The following TTC7A variants were observed in gnomAD, a reference collection of about 807,000 sequenced individuals.
The protein encoded by TTC7A is tetratricopeptide repeat protein 7A.
Under a neutral mutation model 103.7 loss-of-function variants are expected in TTC7A, and 110 were observed. The observed-to-expected ratio is 1.06, with a 90% CI of 0.91 to 1.24. The LOEUF is 1.24. Among genes scored for constraint, TTC7A ranks in the 50% most tolerant of loss-of-function variants. The probability of loss-of-function intolerance (pLI) is 0.00; values close to 1 mark genes in which losing one functional copy is unlikely to be tolerated. For synonymous variants in TTC7A, 521 were observed against 467.9 expected, an observed-to-expected ratio of 1.11 and a Z score of -1.47; for missense variants, 1,340 against 1,116.3, an observed-to-expected ratio of 1.20 and a Z score of -2.86.
intron 18 of TTC7A, among the ~76,000 whole-genome samples, chr2:47,057,813 A>G (rs1407101332): frequency 6.6e-6 from 1 of 152,196 alleles, no homozygotes; most frequent in Non-Finnish European, 1.5e-5. Context: ...CTCCTCCCTC[A>G]GGAAGACTTC....
intron 17 of TTC7A, among the ~76,000 whole-genome samples, chr2:47,051,219 A>C (rs944597493): frequency 1.3e-5 from 2 of 152,178 alleles, no homozygotes; most frequent in African/African-American, 2.4e-5. Context: ...CACCACTTAG[A>C]CCTTAATAAA....
intron 2 of TTC7A, among the ~76,000 whole-genome samples, chr2:46,918,259 G>T (rs766504849): frequency 2.6e-5 from 4 of 152,072 alleles, no homozygotes; most frequent in African/African-American, 9.7e-5. Flanking sequence ...AAAATTCTAC[G>T]AGCTGTTTTT....
rs192848281 is a variant in TTC7A at position 47,033,868 on chromosome 2, C to G, written c.1802+4484C>G. Among the ~76,000 whole-genome samples, 455 of 152,242 alleles carry G rather than the reference C, an allele frequency of 3.0e-3. 3 individuals carry two copies. Among genetic ancestry groups the G allele is most frequent in the African/African-American group, 0.01 (436 of 41,546 alleles). On this transcript the variant is annotated intron_variant, in intron 15 of 19. Transcript: ENST00000319190. ...GTCCAGGAGGTGCTGGCAGCCGAGGCTGGGCCCTGACAGAGGCAGGGAAGG... is the reference window on the plus strand; with the variant it reads ...GTCCAGGAGGTGCTGGCAGCCGAGGGTGGGCCCTGACAGAGGCAGGGAAGG...
At chr2:47,056,496 A>AAAT in intron 18 of TTC7A, among the ~76,000 whole-genome samples, 1 of 152,202 alleles carries the variant, frequency 6.6e-6, no homozygotes, top group African/African-American at 2.4e-5. Flanking sequence ...GCCTGCGGGC[A>AAAT]AGGCCCTCCC....
chr2:46,978,884 C>G lies in TTC7A; in HGVS notation c.741C>G (p.Ala247=). 6.2e-7 allele frequency: 1 copy of G among 1,614,082 alleles called. No homozygotes were observed. The highest frequency in any genetic ancestry group is 8.5e-7 in the Non-Finnish European group (1 of 1,179,952). Residue 247 remains alanine, a synonymous_variant, in exon 5 of 20, where the codon GCC becomes GCG. Coordinates refer to ENST00000319190, the MANE Select transcript of TTC7A (RefSeq NM_020458.4). ...TCCTGGAAGCTGCCCTCCAGAGCGCCTATGTGAAAAACCTGAAGAAGGGGT... is the reference window on the plus strand; with the variant it reads ...TCCTGGAAGCTGCCCTCCAGAGCGCGTATGTGAAAAACCTGAAGAAGGGGT... ...TYFLEAALQS[A]YVKNLKKGNI...
intron 2 of TTC7A, among the ~76,000 whole-genome samples, chr2:46,951,095 G>A (rs1671366958): frequency 6.6e-6 from 1 of 152,160 alleles, no homozygotes; most frequent in Non-Finnish European, 1.5e-5. Context: ...GAGTTGGCTA[G>A]GGACAGAAGA....
At chr2:46,926,325 G>A (rs1558476272) in intron 2 of TTC7A, among the ~76,000 whole-genome samples, 1 of 152,110 alleles carries the variant, frequency 6.6e-6, no homozygotes, top group South Asian at 2.1e-4. Flanking sequence ...AGTGGAGATC[G>A]GAGTAAGTGA....
At chr2:47,004,471 G>A (rs1288786648) in intron 8 of TTC7A, among the ~76,000 whole-genome samples, 1 of 152,214 alleles carries the variant, frequency 6.6e-6, no homozygotes, top group Non-Finnish European at 1.5e-5. Context: ...TGCTGCATAG[G>A]AGGGATGGGG....
At position 46,941,536 on chromosome 2, in the gene TTC7A, G is replaced by C. The variant is rs772781041; in HGVS notation, c.-6G>C. The C allele has an allele frequency of 6.4e-7, 1 of 1,552,382 alleles. No individual in the cohort carries two copies. Among genetic ancestry groups the C allele is most frequent in the Non-Finnish European group, 8.7e-7 (1 of 1,148,264 alleles). On this transcript the variant is annotated 5_prime_UTR_variant, in exon 1 of 20. Transcript: ENST00000319190. This position sits in a 1 kb window ranked among gnomAD's most constrained non-coding sequence, Gnocchi z 4.2. ...CCGCACCTTCCATGACAGCGCCCGC[G>C]AGAAGATGGCTGCGAAGGGCGCGCA...
chr2:46,970,243 T>C (rs1673239342), intron 3 of TTC7A, among the ~76,000 whole-genome samples: 1 of 152,120 alleles, frequency 6.6e-6, no homozygotes, highest in African/African-American at 2.4e-5. Context: ...TTGCCTGGGC[T>C]TCCCAGTGTG....
chr2:46,927,224 T>G (rs1022322732), intron 2 of TTC7A, among the ~76,000 whole-genome samples: 22 of 151,234 alleles, frequency 1.5e-4, no homozygotes, highest in African/African-American at 5.4e-4. Flanking sequence ...AATGAAAGAT[T>G]ACAAGATCAG....
rs975908053 is a variant in TTC7A at position 46,995,258 on chromosome 2, G to A, written c.1065+59G>A. 1.3e-5 allele frequency: 20 copies of A among 1,577,390 alleles called. No homozygotes were observed. The East Asian group carries it at 1.8e-4, about 14-fold the overall frequency. On this transcript the variant is annotated intron_variant, in intron 8 of 19. Coordinates refer to ENST00000319190, the MANE Select transcript of TTC7A (RefSeq NM_020458.4). ...CCCTCTGACCCTGTGGGGAAGGGCT[G>A]TGGGGCCCAGGTACAGGCCACCCGT...
rs760148843 is a variant in TTC7A at position 47,051,799 on chromosome 2, G to A, written c.2071G>A (p.Glu691Lys). 2 of 1,611,872 alleles carry A rather than the reference G, an allele frequency of 1.2e-6. No individual in the cohort carries two copies. The highest frequency in any genetic ancestry group is 2.2e-5 in the East Asian group (1 of 44,872). ...CTCCCGGCTGGAGGAGGCCATGTCA[G>A]AGCTGACTATGCCCTCTTCGGTCCT... ...AASRLEEAMS[E>K]LTMPSSVLKQ... The change falls in exon 18 of 20, where the codon GAG becomes AAG. Residue 691 changes from glutamate to lysine, a missense_variant. Transcript: ENST00000319190.
intron 5 of TTC7A, among the ~76,000 whole-genome samples, chr2:46,985,354 TG>T (rs1196430894): frequency 6.6e-6 from 1 of 152,136 alleles, no homozygotes; most frequent in East Asian, 1.9e-4. Context: ...AGTCTTGGCG[TG>T]TAAGTAGCAG....
At chr2:46,969,143 G>A (rs761734695) in intron 3 of TTC7A, among the ~76,000 whole-genome samples, 1 of 150,924 alleles carries the variant, frequency 6.6e-6, no homozygotes, top group Non-Finnish European at 1.5e-5. Context: ...TTTATGTCTG[G>A]TTTCTTTTGC....
At chr2:46,948,101 C>T (rs114574080) in intron 1 of TTC7A, among the ~76,000 whole-genome samples, 1,536 of 152,308 alleles carry the variant, frequency 0.01, 32 homozygotes, top group African/African-American at 0.034. Context: ...CTGATGGTGC[C>T]GTATCTGGTG....
intron 15 of TTC7A, among the ~76,000 whole-genome samples, chr2:47,030,248 A>T (rs1680387120): frequency 6.6e-6 from 1 of 152,230 alleles, no homozygotes; most frequent in African/African-American, 2.4e-5. Flanking sequence ...CTGCCCTGAT[A>T]GGTGACTCAC....
At chr2:46,944,780 A>T (rs546994086) in intron 1 of TTC7A, among the ~76,000 whole-genome samples, 1 of 152,154 alleles carries the variant, frequency 6.6e-6, no homozygotes, top group African/African-American at 2.4e-5. Flanking sequence ...GGCTTAAGCT[A>T]TTCTCCTACC....
chr2:46,994,419 C>T lies in TTC7A; in HGVS notation c.906C>T (p.Ser302=). Residue 302 remains serine (S), a synonymous_variant, in exon 7 of 20, where the codon AGC becomes AGT. Coordinates refer to ENST00000319190, the MANE Select transcript of TTC7A (RefSeq NM_020458.4). ...CCCTGAGTGAGGAGTGCTACTGGAG[C>T]CCCCTGTCCCACCCTCTGCCTGAGT... The part of the protein sequence containing the change: ...LHSLSEECYW[S]PLSHPLPEFM... The T allele has an allele frequency of 3.7e-6, 6 of 1,613,944 alleles. No individual in the cohort carries two copies. The highest frequency in any genetic ancestry group is 5.1e-6 in the Non-Finnish European group (6 of 1,179,918).
Sources: gnomAD v4.1 joint callset for allele counts (sites outside exome capture counted in the v4.1 genomes callset) on GRCh38, gnomAD v4.1.1 for gene constraint, Gnocchi (gnomAD v3.1) non-coding constraint, MANE v1.5 for transcripts, NCBI Gene and HGNC (gene_info 2026-07-23, HGNC 2026-07-21) for gene names.